Variants in ELOVL2 observed in about 807,000 individuals in gnomAD.
The protein encoded by ELOVL2 is very long chain fatty acid elongase 2.
In ELOVL2, 38 loss-of-function variants were observed where a neutral mutation model predicts 37.7. The observed-to-expected ratio is 1.01, with a 90% CI of 0.78 to 1.32. The LOEUF (loss-of-function observed/expected upper bound fraction) is 1.32, where lower values mean the gene tolerates loss of function less well. Among genes scored for constraint, ELOVL2 ranks in the 40% most tolerant of loss-of-function variants. The probability of loss-of-function intolerance (pLI) is 0.00; values close to 1 mark genes in which losing one functional copy is unlikely to be tolerated. For synonymous variants in ELOVL2, 115 were observed against 122.3 expected (o/e 0.94, Z 0.40); for missense variants, 352 against 363.6 (o/e 0.97, Z 0.26).
At chr6:11,034,736 C>G (rs1782982538) in intron 1 of ELOVL2, among the ~76,000 whole-genome samples, 1 of 151,528 alleles carries the variant, frequency 6.6e-6, no homozygotes, top group Non-Finnish European at 1.5e-5. Context: ...AATGTGGTGG[C>G]TCAGGCCTGT....
Position 11,008,143 on chromosome 6 carries a change from G to C in ELOVL2, c.68-2584C>G, listed in dbSNP as rs900005931. ...CGGTGATGTGCCAGTCAGCATCAGG[G>C]TGTGAGACTTTTAGGAAGAAAAAAG... On this transcript the variant is annotated intron_variant, in intron 2 of 7. Coordinates refer to ENST00000354666, the MANE Select transcript of ELOVL2 (RefSeq NM_017770.4). 2.0e-5 allele frequency among the ~76,000 whole-genome samples: 3 copies of C among 151,956 alleles called. No homozygotes were observed. The South Asian group carries it at 6.2e-4, about 32-fold the overall frequency.
chr6:11,010,725 G>C (rs1782558978), intron 2 of ELOVL2, 21 bp downstream of exon 2: 30 of 1,596,286 alleles, frequency 1.9e-5, no homozygotes, highest in Non-Finnish European at 2.5e-5. Context: ...TCCACATTAA[G>C]TTCTCAAGTA....
intron 1 of ELOVL2, chr6:11,015,544 G>C (rs1044400901): frequency 6.5e-6 from 1 of 152,854 alleles, no homozygotes; most frequent in African/African-American, 2.4e-5. Context: ...CTAATATCCA[G>C]GGATGCCCTG....
chr6:10,997,413 CGTT>C (rs1782289395), intron 4 of ELOVL2, among the ~76,000 whole-genome samples: 2 of 152,036 alleles, frequency 1.3e-5, no homozygotes, highest in African/African-American at 2.4e-5. Context: ...TCAAAAATGT[CGTT>C]GTTTTCCTAG....
intron 1 of ELOVL2, among the ~76,000 whole-genome samples, chr6:11,029,566 G>GT (rs1782891794): frequency 6.6e-6 from 1 of 152,222 alleles, no homozygotes; most frequent in Non-Finnish European, 1.5e-5. Context: ...AACTCCCACT[G>GT]TATCAGGCTT....
intron 1 of ELOVL2, among the ~76,000 whole-genome samples, chr6:11,011,384 A>T (rs1184633969): frequency 6.6e-6 from 1 of 151,996 alleles, no homozygotes; most frequent in East Asian, 1.9e-4. Flanking sequence ...AAAAGAAAAA[A>T]AAACATTGAA....
chr6:11,026,520 C>T (rs1782840414), intron 1 of ELOVL2, among the ~76,000 whole-genome samples: 1 of 152,112 alleles, frequency 6.6e-6, no homozygotes, highest in Admixed American at 6.5e-5. Context: ...GCACGTTAAT[C>T]CTGGACATGG....
At chr6:11,027,312 A>G (rs1034387972) in intron 1 of ELOVL2, among the ~76,000 whole-genome samples, 1 of 152,182 alleles carries the variant, frequency 6.6e-6, no homozygotes, top group African/African-American at 2.4e-5. Flanking sequence ...AAATGAGCTC[A>G]GAAACAAGTG....
In ELOVL2 at chr6:10,981,195, A is replaced by G. The variant is rs1361162829; in HGVS notation, c.*2586T>C. On this transcript the variant is annotated 3_prime_UTR_variant, in exon 8 of 8. Transcript: ENST00000354666. ...TTTGTTAGTTTAAAAAATTGGGGGAATTATTAATAGATATGCTTTACAGTA... is the reference window on the plus strand; with the variant it reads ...TTTGTTAGTTTAAAAAATTGGGGGAGTTATTAATAGATATGCTTTACAGTA... The G allele has an allele frequency of 1.3e-5, 2 of 152,256 alleles. No individual in the cohort carries two copies. Among genetic ancestry groups the G allele is most frequent in the Non-Finnish European group, 2.9e-5 (2 of 68,022 alleles). 9.4% of individuals were successfully genotyped at this position (152,256 alleles called of 1,614,324 possible).
At chr6:10,988,880 T>C (rs1316711684) in intron 7 of ELOVL2, among the ~76,000 whole-genome samples, 1 of 152,184 alleles carries the variant, frequency 6.6e-6, no homozygotes, top group Non-Finnish European at 1.5e-5. Flanking sequence ...AAAAAGAAAA[T>C]GACACTGGAT....
intron 1 of ELOVL2, among the ~76,000 whole-genome samples, chr6:11,039,906 G>A (rs1472109625): frequency 6.6e-6 from 1 of 152,210 alleles, no homozygotes; most frequent in Non-Finnish European, 1.5e-5. Flanking sequence ...GCTGAGGAAG[G>A]AATGGAGAGA....
At chr6:10,987,295 A>T (rs1241074078) in intron 7 of ELOVL2, among the ~76,000 whole-genome samples, 1 of 152,052 alleles carries the variant, frequency 6.6e-6, no homozygotes, top group African/African-American at 2.4e-5. Context: ...CTTTCAAAAA[A>T]CCAGCTCCTG....
rs1782592084 is a variant in ELOVL2 at position 11,011,987 on chromosome 6, C to T, written c.4-1178G>A. Among the ~76,000 whole-genome samples the T allele has an allele frequency of 2.6e-5, 4 of 152,126 alleles. No homozygotes were observed. In the South Asian group the frequency reaches 6.2e-4, roughly 24 times the overall value. On this transcript the variant is annotated intron_variant, in intron 1 of 7. Transcript: ENST00000354666. ...GATATGGAGCATGCATTAGATTCAG[C>T]TCACTCTCAAAAAAAGTTGTAAGTG...
chr6:11,026,931 AGT>A (rs1473769332), intron 1 of ELOVL2, among the ~76,000 whole-genome samples: 1 of 152,052 alleles, frequency 6.6e-6, no homozygotes, highest in African/African-American at 2.4e-5. Flanking sequence ...ATATGCATAC[AGT>A]GTGGAATGGT....
At chr6:10,990,887 C>G (rs946401010) in intron 5 of ELOVL2, among the ~76,000 whole-genome samples, 7 of 152,138 alleles carry the variant, frequency 4.6e-5, no homozygotes, top group African/African-American at 1.4e-4. Flanking sequence ...GCTAGAGAGA[C>G]AAAATATATT....
At chr6:11,008,394 G>A (rs1272240198) in intron 2 of ELOVL2, among the ~76,000 whole-genome samples, 1 of 152,218 alleles carries the variant, frequency 6.6e-6, no homozygotes, top group Non-Finnish European at 1.5e-5. Flanking sequence ...GCGCAGACAA[G>A]TTGTTGTTTA....
intron 5 of ELOVL2, 131 bp downstream of exon 5, chr6:10,994,876 G>T: frequency 1.5e-6 from 1 of 683,670 alleles, no homozygotes; most frequent in Non-Finnish European, 2.4e-6. Context: ...CGGGCATCCT[G>T]CTGCGGCAAG....
At chr6:10,985,469 T>TTCTTCTAGTATTG (rs1782033333) in intron 7 of ELOVL2, among the ~76,000 whole-genome samples, 1 of 109,742 alleles carries the variant, frequency 9.1e-6, no homozygotes, top group African/African-American at 4.7e-5. Context: ...TGCCTAGGTT[T>TTCTTCTAGTATTG]TTATGGTTTT....
intron 1 of ELOVL2, among the ~76,000 whole-genome samples, chr6:11,042,089 G>A (rs931236502): frequency 1.3e-5 from 2 of 151,988 alleles, no homozygotes; most frequent in Non-Finnish European, 2.9e-5. Context: ...GGTGGGTGTT[G>A]ATCACTTGAG....
Sources: allele counts gnomAD v4.1 joint callset (sites outside exome capture counted in the v4.1 genomes callset), GRCh38; gene constraint gnomAD v4.1.1; transcripts MANE v1.5; gene names NCBI Gene and HGNC (gene_info 2026-07-23, HGNC 2026-07-21).